FAM20A: variants seen among roughly 807,000 people sequenced by gnomAD.
FAM20A encodes FAM20A golgi associated secretory pathway pseudokinase.
FAM20A carries 42 observed loss-of-function variants against 52.0 expected under a neutral mutation model. The observed-to-expected ratio is 0.81, with a 90% CI of 0.63 to 1.04. FAM20A has a LOEUF of 1.04. FAM20A is among the 50% of genes least tolerant of loss of function. The probability of loss-of-function intolerance (pLI) is 0.00; values close to 1 mark genes in which losing one functional copy is unlikely to be tolerated. For synonymous variants in FAM20A, 304 were observed against 298.9 expected, an observed-to-expected ratio of 1.02 and a Z score of -0.18; for missense variants, 742 against 712.7, an observed-to-expected ratio of 1.04 and a Z score of -0.47.
chr17:68,598,108 A>G (rs1477737088), intron 1 of FAM20A: 1 of 151,688 alleles, frequency 6.6e-6, no homozygotes, highest in African/African-American at 2.4e-5. Flanking sequence ...GGCTCAAGCA[A>G]TCCTTCTGTC....
intron 7 of FAM20A, 72 bp downstream of exon 7, chr17:68,541,913 G>A: frequency 6.6e-7 from 1 of 1,523,146 alleles, no homozygotes; most frequent in Non-Finnish European, 8.9e-7. Flanking sequence ...AGCCAAGCTA[G>A]CAACAAGTCC....
chr17:68,571,676 T>G (rs778915976), intron 1 of FAM20A, among the ~76,000 whole-genome samples: 21 of 152,150 alleles, frequency 1.4e-4, no homozygotes, highest in Non-Finnish European at 2.6e-4. Context: ...TTCTCAAGGT[T>G]GTTTTTCTTT....
At chr17:68,563,300 T>C (rs770224047) in intron 1 of FAM20A, among the ~76,000 whole-genome samples, 1 of 150,400 alleles carries the variant, frequency 6.6e-6, no homozygotes, top group African/African-American at 2.4e-5. Flanking sequence ...GCAGGAGAAT[T>C]GCTTGAACTC....
At chr17:68,546,337 C>T (rs746798115) in intron 4 of FAM20A, among the ~76,000 whole-genome samples, 2 of 152,048 alleles carry the variant, frequency 1.3e-5, no homozygotes, top group Non-Finnish European at 2.9e-5. Context: ...CCCTCAAAGT[C>T]ATCCATGGGG....
At chr17:68,556,509 T>G (rs1018746153) in intron 1 of FAM20A, among the ~76,000 whole-genome samples, 1 of 145,934 alleles carries the variant, frequency 6.9e-6, no homozygotes, top group African/African-American at 2.6e-5. Context: ...GAATCTATGA[T>G]GAAGTAGCCT....
At chr17:68,550,425 G>A (rs1197618930) in intron 4 of FAM20A, among the ~76,000 whole-genome samples, 2 of 126,976 alleles carry the variant, frequency 1.6e-5, no homozygotes, top group Non-Finnish European at 3.1e-5. Context: ...CTGTTGCCCA[G>A]GCTGGAGTGC....
In FAM20A at chr17:68,537,562, A is replaced by T. The variant is rs551965708; in HGVS notation, c.1541T>A (p.Val514Glu). 1.2e-6 allele frequency: 2 copies of T among 1,613,352 alleles called. No individual in the cohort carries two copies. The highest frequency in any genetic ancestry group is 4.5e-5 in the East Asian group (2 of 44,836). Residue 514 changes from valine (V) to glutamate (E), a missense_variant, in exon 11 of 11, where the codon GTG (valine) becomes GAG (glutamate). Physicochemically the swap from Val to Glu is moderately radical, Grantham distance 121 (BLOSUM62 -2). Coordinates refer to ENST00000592554, the MANE Select transcript of FAM20A (RefSeq NM_017565.4). The surrounding 1 kb of genome is among the most constrained non-coding windows in gnomAD (Gnocchi z 4.2). Reference sequence around the variant, plus strand: ...TATGACACTCTGCTGTCCATGGGCCACTATGCACCCCTCCACTGTCCTTAG... The same window carrying T: ...TATGACACTCTGCTGTCCATGGGCCTCTATGCACCCCTCCACTGTCCTTAG... ...TILRTVEGCI[V>E]AHGQQSVIVD...
intron 7 of FAM20A, 81 bp from the exon 8 acceptor site, chr17:68,541,039 C>T: frequency 1.3e-6 from 2 of 1,543,632 alleles, no homozygotes; most frequent in Non-Finnish European, 8.7e-7. Flanking sequence ...CCCCCTGCCC[C>T]CCCAATCCCT....
chr17:68,597,049 CA>C (rs1293142968), intron 1 of FAM20A, among the ~76,000 whole-genome samples: 5 of 152,074 alleles, frequency 3.3e-5, no homozygotes, highest in African/African-American at 1.2e-4. Context: ...CCAAGACATT[CA>C]AAACTGCACA....
At chr17:68,579,332 G>T (rs2087876980) in intron 1 of FAM20A, among the ~76,000 whole-genome samples, 1 of 152,176 alleles carries the variant, frequency 6.6e-6, no homozygotes, top group East Asian at 1.9e-4. Flanking sequence ...CCAGGTGATG[G>T]AACATGGACT....
chr17:68,571,954 G>T (rs775042670), intron 1 of FAM20A, among the ~76,000 whole-genome samples: 1 of 139,878 alleles, frequency 7.1e-6, no homozygotes, highest in Non-Finnish European at 1.5e-5. Context: ...ATATATGTGT[G>T]TGTGTGTATA....
intron 1 of FAM20A, among the ~76,000 whole-genome samples, chr17:68,597,508 C>T (rs964328776): frequency 1.1e-4 from 17 of 152,070 alleles, no homozygotes; most frequent in African/African-American, 3.6e-4. Flanking sequence ...CCGCAGCCTC[C>T]TGAGTAGCTG....
intron 1 of FAM20A, among the ~76,000 whole-genome samples, chr17:68,588,193 A>T (rs2088210981): frequency 6.6e-6 from 1 of 152,294 alleles, no homozygotes; most frequent in African/African-American, 2.4e-5. Context: ...TAGATTAAAA[A>T]GATAATAAAT....
intron 1 of FAM20A, among the ~76,000 whole-genome samples, chr17:68,572,009 T>TAC (rs1481697575): frequency 2.1e-5 from 1 of 48,416 alleles, no homozygotes; most frequent in East Asian, 3.8e-4. Flanking sequence ...TATATATATA[T>TAC]ATATATATAT....
intron 1 of FAM20A, among the ~76,000 whole-genome samples, chr17:68,558,636 A>G (rs1286595467): frequency 1.3e-5 from 2 of 152,166 alleles, no homozygotes; most frequent in African/African-American, 4.8e-5. Flanking sequence ...CAGAAGCAGC[A>G]TGCTTCCTGT....
Position 68,537,639 on chromosome 17 carries a change from A to T in FAM20A, c.1464T>A (p.Pro488=). ...RESLLEDQLS[P]VLTEPHLLAL... ...CAAGGAGGTGGGGTTCAGTGAGGAC[A>T]GGGCTGAGCTGGTCTTCCAGCAGTG... Residue 488 remains proline (P), a synonymous_variant, in exon 11 of 11, where the codon CCT becomes CCA. Transcript: ENST00000592554. This position sits in a 1 kb window ranked among gnomAD's most constrained non-coding sequence, Gnocchi z 4.2. 1 of 1,613,768 alleles carries T rather than the reference A, an allele frequency of 6.2e-7. No individual in the cohort carries two copies. The highest frequency in any genetic ancestry group is 8.5e-7 in the Non-Finnish European group (1 of 1,179,848).
intron 1 of FAM20A, among the ~76,000 whole-genome samples, chr17:68,599,805 C>T (rs115939472): frequency 6.6e-6 from 1 of 152,102 alleles, no homozygotes; most frequent in African/African-American, 2.4e-5. Context: ...CAGGTTTACC[C>T]AAAGAGCACA....
chr17:68,584,542 G>T (rs2088113492), intron 1 of FAM20A, among the ~76,000 whole-genome samples: 1 of 152,170 alleles, frequency 6.6e-6, no homozygotes, highest in Non-Finnish European at 1.5e-5. Context: ...TTTGAAAGTA[G>T]ACGCAAAGGA....
chr17:68,572,185 GTAC>G (rs1301298324), intron 1 of FAM20A, among the ~76,000 whole-genome samples: 4 of 151,456 alleles, frequency 2.6e-5, no homozygotes, highest in Non-Finnish European at 2.9e-5. Context: ...ACTTCCCAAA[GTAC>G]TGGGATTACA....
Sources: gnomAD v4.1 joint callset for allele counts (sites outside exome capture counted in the v4.1 genomes callset) on GRCh38, gnomAD v4.1.1 for gene constraint, Gnocchi (gnomAD v3.1) non-coding constraint, MANE v1.5 for transcripts, NCBI Gene and HGNC (gene_info 2026-07-23, HGNC 2026-07-21) for gene names.